Variants in PALM3 observed in about 807,000 individuals in gnomAD.
PALM3 encodes paralemmin-3.
Under a neutral mutation model 27.9 loss-of-function variants are expected in PALM3, and 20 were observed. The observed-to-expected ratio is 0.72, with a 90% CI of 0.50 to 1.04. PALM3 has a LOEUF of 1.04. Among genes scored for constraint, PALM3 ranks in the 50% least tolerant of loss-of-function variants. PALM3 has a pLI of 0.00. For synonymous variants in PALM3, 328 were observed against 352.7 expected (o/e 0.93, Z 0.79); for missense variants, 814 against 869.4 (o/e 0.94, Z 0.80).
chr19:14,060,016 G>A (rs894743362), intron 1 of PALM3, among the ~76,000 whole-genome samples: 4 of 152,062 alleles, frequency 2.6e-5, no homozygotes, highest in Admixed American at 6.6e-5. Context: ...GATGATTAGG[G>A]ACAGTCAGTG....
chr19:14,059,067 T>C (rs1455248277), intron 2 of PALM3, 48 bp downstream of exon 2: 18 of 1,435,124 alleles, frequency 1.3e-5, no homozygotes, highest in Non-Finnish European at 1.7e-5. Flanking sequence ...GAAGGGAGCA[T>C]GGTGGAAAGT....
chr19:14,056,814 G>C lies in PALM3; in HGVS notation c.172-10C>G, dbSNP rs370525556. 2.6e-6 allele frequency: 4 copies of C among 1,540,998 alleles called. No homozygotes were observed. The highest frequency in any genetic ancestry group is 3.5e-6 in the Non-Finnish European group (4 of 1,141,862). On this transcript the variant is annotated splice_polypyrimidine_tract_variant and intron_variant, in intron 3 of 6. Transcript: ENST00000669674. ...CCCGGAGAGACTTCCTCTGGGCAGG[G>C]GAAGGGAGTTGGGGCTGGGCATACA...
rs766622531 is a variant in PALM3 at position 14,056,607 on chromosome 19, T to C, written c.314+55A>G. 4.4e-4 allele frequency: 680 copies of C among 1,551,520 alleles called. 5 individuals carry two copies. Among genetic ancestry groups the C allele is most frequent in the Middle Eastern group, 6.7e-4 (4 of 6,010 alleles). On this transcript the variant is annotated intron_variant, in intron 4 of 6. Coordinates refer to ENST00000669674, the MANE Select transcript of PALM3 (RefSeq NM_001145028.2). ...ACCTCCTTGGAATGTGCCCAGGGTC[T>C]CGATCTCACCCAGCTGGGGCAGGGT...
At chr19:14,060,830 A>C (rs537591422) in intron 1 of PALM3, among the ~76,000 whole-genome samples, 41 of 152,062 alleles carry the variant, frequency 2.7e-4, no homozygotes, top group Non-Finnish European at 4.7e-4. Flanking sequence ...GCTCAATCTC[A>C]GCTCACTGCA....
In PALM3 at chr19:14,062,061, C is replaced by T. The variant is rs1568510277; in HGVS notation, c.-81G>A. On this transcript the variant is annotated 5_prime_UTR_variant, in exon 1 of 7. Transcript: ENST00000669674. ...CCTGAAGGTGCCCCGGAGGCTGTGACTTGGCTGCCTGGAGTGGGGGGGGGC... is the reference window on the plus strand; with the variant it reads ...CCTGAAGGTGCCCCGGAGGCTGTGATTTGGCTGCCTGGAGTGGGGGGGGGC... 1.1e-6 allele frequency: 1 copy of T among 917,492 alleles called. No homozygotes were observed. The highest frequency in any genetic ancestry group is 1.8e-5 in the African/African-American group (1 of 56,084). 56.8% of individuals were successfully genotyped at this position (917,492 alleles called of 1,614,324 possible). A position where few individuals can be genotyped will look rare whatever the true frequency, so the allele number is the denominator to read the frequency against.
intron 2 of PALM3, among the ~76,000 whole-genome samples, chr19:14,058,546 G>C (rs905563266): frequency 6.6e-6 from 1 of 151,860 alleles, no homozygotes; most frequent in African/African-American, 2.4e-5. Context: ...CTGAGGTGTA[G>C]AGGTGGGGAT....
At chr19:14,061,915 C>T (rs2081002870) in intron 1 of PALM3, 25 bp downstream of exon 1, 2 of 983,422 alleles carry the variant, frequency 2.0e-6, no homozygotes, top group Non-Finnish European at 2.4e-6. Context: ...TGCCCACCAG[C>T]CCCCCTGACC....
At chr19:14,057,976 C>T (rs1451091259) in intron 2 of PALM3, among the ~76,000 whole-genome samples, 1 of 152,152 alleles carries the variant, frequency 6.6e-6, no homozygotes, top group Admixed American at 6.5e-5. Context: ...GGCGTGGTAG[C>T]AGGCGCCTGT....
At position 14,059,110 on chromosome 19, in the gene PALM3, C is replaced by A; in HGVS notation, c.90+5G>T. 2 of 1,451,342 alleles carry A rather than the reference C, an allele frequency of 1.4e-6. No homozygotes were observed. Among genetic ancestry groups the A allele is most frequent in the Non-Finnish European group, 1.8e-6 (2 of 1,102,634 alleles). The allele number at this position is 1,451,342 out of a possible 1,614,324, so 89.9% of individuals were successfully genotyped here. Reference sequence around the variant, plus strand: ...TGCCCAGGGCGCGGGGAGGGCGTCACTTACAGCGATGACTTCTAGCCGCTG... The same window carrying A: ...TGCCCAGGGCGCGGGGAGGGCGTCAATTACAGCGATGACTTCTAGCCGCTG... On this transcript the variant is annotated splice_donor_5th_base_variant and intron_variant, in intron 2 of 6. Transcript: ENST00000669674.
chr19:14,053,595 G>A lies in PALM3; in HGVS notation c.*10C>T. ...GAGAGGAGCTGGACATGGGGTGGAGGGGCATGGGTTCACATGACCGCACAA... is the reference window on the plus strand; with the variant it reads ...GAGAGGAGCTGGACATGGGGTGGAGAGGCATGGGTTCACATGACCGCACAA... On this transcript the variant is annotated 3_prime_UTR_variant, in exon 7 of 7. Transcript: ENST00000669674. 1 of 1,449,520 alleles carries A rather than the reference G, an allele frequency of 6.9e-7. No homozygotes were observed. The highest frequency in any genetic ancestry group is 1.5e-5 in the South Asian group (1 of 66,970). 89.8% of individuals were successfully genotyped at this position (1,449,520 alleles called of 1,614,324 possible).
At chr19:14,058,095 G>C (rs1976347405) in intron 2 of PALM3, among the ~76,000 whole-genome samples, 1 of 152,068 alleles carries the variant, frequency 6.6e-6, no homozygotes. Flanking sequence ...GCGACAGAGC[G>C]AGACTCCGTC....
chr19:14,055,154 T>G lies in PALM3; in HGVS notation c.518A>C (p.Glu173Ala). The change falls in exon 7 of 7, where the codon GAG (glutamate) becomes GCG (alanine). Residue 173 changes from glutamate (E) to alanine (A), a missense_variant. Physicochemically the swap from Glu to Ala is moderately radical, Grantham distance 107. Transcript: ENST00000669674. ...LVGTPPESPSEPREDVLGFLP... is the reference protein window; with the variant it reads ...LVGTPPESPSAPREDVLGFLP... ...AAACCCCAAGACATCCTCCCTGGGC[T>G]CAGAGGGGGACTCTGGAGGCGTGCC... is the stretch of plus-strand genomic sequence containing the variant. 6.5e-7 allele frequency: 1 copy of G among 1,548,652 alleles called. No homozygotes were observed. The highest frequency in any genetic ancestry group is 1.2e-5 in the South Asian group (1 of 83,930).
chr19:14,056,785 C>T lies in PALM3; in HGVS notation c.191G>A (p.Arg64His), dbSNP rs1458284123. 3 of 1,549,902 alleles carry T rather than the reference C, an allele frequency of 1.9e-6. No individual in the cohort carries two copies. The highest frequency in any genetic ancestry group is 1.4e-5 in the African/African-American group (1 of 73,126). Reference sequence around the variant, plus strand: ...TGCAGCTGCCCCATCCATTAGCCAACGTTCCCGGAGAGACTTCCTCTGGGC... The same window carrying T: ...TGCAGCTGCCCCATCCATTAGCCAATGTTCCCGGAGAGACTTCCTCTGGGC... ...ERLKRKSLRE[R>H]WLMDGAAAVP... is the part of the protein sequence containing the mutation. Residue 64 changes from arginine to histidine, a missense_variant, in exon 4 of 7, where the codon CGT becomes CAT. Arg to His is a conservative substitution (Grantham distance 29). Coordinates refer to ENST00000669674, the MANE Select transcript of PALM3 (RefSeq NM_001145028.2).
At chr19:14,059,215 TC>T (rs1976374811) in intron 1 of PALM3, 52 bp from the exon 2 acceptor site, 1 of 1,423,752 alleles carries the variant, frequency 7.0e-7, no homozygotes, top group African/African-American at 1.5e-5. Context: ...AACGCCCCCC[TC>T]TTGGCCAAGA....
upstream of PALM3, chr19:14,062,076 TGG>T (rs565698423): frequency 1.5e-5 from 12 of 777,112 alleles, no homozygotes; most frequent in East Asian, 1.3e-4. Flanking sequence ...CTGCCTGGAG[TGG>T]GGGGGGGCTG....
In PALM3 at chr19:14,054,857, C is replaced by T; in HGVS notation, c.815G>A (p.Gly272Glu). 1 of 1,549,518 alleles carries T rather than the reference C, an allele frequency of 6.5e-7. No homozygotes were observed. The highest frequency in any genetic ancestry group is 8.7e-7 in the Non-Finnish European group (1 of 1,146,530). Residue 272 changes from glycine to glutamate, a missense_variant, in exon 7 of 7, where the codon GGA (glycine) becomes GAA (glutamate). Physicochemically the swap from Gly to Glu is moderately conservative, Grantham distance 98. Coordinates refer to ENST00000669674, the MANE Select transcript of PALM3 (RefSeq NM_001145028.2). ...VVLEAIGDRK[G>E]AGSLELPAWV... ...GGCCGGGAGCTCCAGGCTACCAGCT[C>T]CCTTCCTGTCTCCGATGGCTTCCAG...
intron 3 of PALM3, among the ~76,000 whole-genome samples, chr19:14,057,135 C>T (rs1976319037): frequency 6.6e-6 from 1 of 152,168 alleles, no homozygotes; most frequent in South Asian, 2.1e-4. Context: ...CCAGACTTTT[C>T]CCCAAATGGA....
In PALM3 at chr19:14,056,394, G is replaced by A. The variant is rs377228543; in HGVS notation, c.399+35C>T. The stretch of plus-strand genomic sequence containing the variant: ...TCCTGCCTTGAGGCCTGCTGGCCAT[G>A]CCCTCCCATCCCACTCCCCTGATTC... On this transcript the variant is annotated intron_variant, in intron 5 of 6. Transcript: ENST00000669674. 3.3e-3 allele frequency: 4,978 copies of A among 1,515,582 alleles called. 13 individuals carry two copies. Among genetic ancestry groups the A allele is most frequent in the Non-Finnish European group, 4.1e-3 (4,556 of 1,116,280 alleles). 93.9% of individuals were successfully genotyped at this position (1,515,582 alleles called of 1,614,324 possible).
chr19:14,057,577 G>A (rs1040524031), intron 2 of PALM3, 146 bp from the exon 3 acceptor site: 2 of 593,212 alleles, frequency 3.4e-6, no homozygotes, highest in African/African-American at 2.0e-5. Context: ...GTGGCCCAGC[G>A]CGGGTCTGCA....
Sources: gnomAD v4.1 joint callset for allele counts (sites outside exome capture counted in the v4.1 genomes callset) on GRCh38, gnomAD v4.1.1 for gene constraint, MANE v1.5 for transcripts, NCBI Gene and HGNC (gene_info 2026-07-23, HGNC 2026-07-21) for gene names.